PGM5: variants seen among roughly 807,000 people sequenced by gnomAD.
PGM5 encodes the protein phosphoglucomutase 5, also known as phosphoglucomutase-like protein 5.
PGM5 carries 23 observed loss-of-function variants against 59.2 expected under a neutral mutation model. The ratio of observed to expected loss-of-function variants is 0.39; its 90% confidence interval spans 0.28 to 0.55. The LOEUF (loss-of-function observed/expected upper bound fraction) is 0.55, where lower values mean the gene tolerates loss of function less well. Among genes scored for constraint, PGM5 ranks in the 20% least tolerant of loss-of-function variants. The probability of loss-of-function intolerance (pLI) is 0.66; values close to 1 mark genes in which losing one functional copy is unlikely to be tolerated. For synonymous variants in PGM5, 214 were observed against 286.0 expected (o/e 0.75, Z 2.54); for missense variants, 574 against 748.3 (o/e 0.77, Z 2.72).
chr9:68,472,213 A>T (rs1824030874), intron 7 of PGM5, among the ~76,000 whole-genome samples: 1 of 152,086 alleles, frequency 6.6e-6, no homozygotes, highest in South Asian at 2.1e-4. Context: ...GAAGTCGTTG[A>T]GGTTTAGGGA....
intron 6 of PGM5, among the ~76,000 whole-genome samples, chr9:68,434,902 T>C (rs571423753): frequency 3.3e-5 from 5 of 152,370 alleles, no homozygotes; most frequent in African/African-American, 1.2e-4. Context: ...CTGGTGTTAA[T>C]TTGATTTTTA....
chr9:68,361,080 A>G (rs1364159580), intron 1 of PGM5, among the ~76,000 whole-genome samples: 2 of 152,112 alleles, frequency 1.3e-5, no homozygotes, highest in African/African-American at 4.8e-5. Context: ...CACCATGCCC[A>G]GCTAATTTAT....
intron 7 of PGM5, chr9:68,466,045 GTCT>G: frequency 1.3e-6 from 1 of 775,762 alleles, no homozygotes; most frequent in African/African-American, 1.8e-5. Flanking sequence ...CCCATTCTTT[GTCT>G]CTTGTCCTTC....
At chr9:68,403,620 T>C (rs1822725166) in intron 6 of PGM5, among the ~76,000 whole-genome samples, 2 of 152,176 alleles carry the variant, frequency 1.3e-5, no homozygotes, top group Non-Finnish European at 2.9e-5. Flanking sequence ...TGATGAGATG[T>C]TAAGTAATTG....
At chr9:68,401,082 T>C (rs1207395209) in intron 6 of PGM5, among the ~76,000 whole-genome samples, 1 of 88,096 alleles carries the variant, frequency 1.1e-5, no homozygotes, top group Admixed American at 1.4e-4. Flanking sequence ...CTCAGGCCTG[T>C]AGTTGGTAAA....
At chr9:68,439,381 A>G (rs1389162770) in intron 6 of PGM5, among the ~76,000 whole-genome samples, 1 of 147,536 alleles carries the variant, frequency 6.8e-6, no homozygotes, top group Non-Finnish European at 1.5e-5. Context: ...ATAAATATAT[A>G]TATATCTTTA....
chr9:68,431,234 G>A (rs928480476), intron 6 of PGM5, among the ~76,000 whole-genome samples: 11 of 152,092 alleles, frequency 7.2e-5, no homozygotes, highest in Non-Finnish European at 1.0e-4. Flanking sequence ...CTCCACTGCC[G>A]CCTTCCCACT....
chr9:68,516,548 G>A (rs1373328312), intron 10 of PGM5, among the ~76,000 whole-genome samples: 1 of 152,218 alleles, frequency 6.6e-6, no homozygotes, highest in Admixed American at 6.5e-5. Context: ...CGGAGAAGCA[G>A]CATCACCACC....
rs1554681593 is a variant in PGM5 at position 68,411,412 on chromosome 9, CACATACATGTGTGTATATATAT to C, written c.1043+18943_1043+18964del. ...ATATATATACACACACATATATACACACATACATGTGTGTATATATATACACATATATGTAGTGTGTGTATTA... is the reference window on the plus strand; with the variant it reads ...ATATATATACACACACATATATACACACACATATATGTAGTGTGTGTATTA... On this transcript the variant is annotated intron_variant, in intron 6 of 10. Coordinates refer to ENST00000396396, the MANE Select transcript of PGM5 (RefSeq NM_021965.4). Among the ~76,000 whole-genome samples, 653 of 136,382 alleles carry C rather than the reference CACATACATGTGTGTATATATAT, an allele frequency of 4.8e-3. 4 individuals are homozygous for C. The highest frequency in any genetic ancestry group is 0.016 in the African/African-American group (611 of 38,144). 89.5% of individuals were successfully genotyped at this position (136,382 alleles called of 152,430 possible).
intron 10 of PGM5, among the ~76,000 whole-genome samples, chr9:68,505,978 C>A (rs1300785121): frequency 6.6e-6 from 1 of 152,108 alleles, no homozygotes; most frequent in Non-Finnish European, 1.5e-5. Flanking sequence ...TCTGCTGTGG[C>A]TGAAATAATA....
At chr9:68,476,936 A>G (rs1189327721) in intron 7 of PGM5, among the ~76,000 whole-genome samples, 1 of 152,218 alleles carries the variant, frequency 6.6e-6, no homozygotes, top group Non-Finnish European at 1.5e-5. Flanking sequence ...TGCAAAGCCC[A>G]TGTTTTAGAA....
At chr9:68,501,111 C>T (rs1824566794) in intron 10 of PGM5, among the ~76,000 whole-genome samples, 1 of 152,138 alleles carries the variant, frequency 6.6e-6, no homozygotes, top group Admixed American at 6.5e-5. Context: ...AAGAATTTGC[C>T]ACTTTGAAGG....
At chr9:68,379,435 A>G (rs1822009495) in intron 2 of PGM5, among the ~76,000 whole-genome samples, 1 of 152,208 alleles carries the variant, frequency 6.6e-6, no homozygotes, top group Admixed American at 6.5e-5. Flanking sequence ...TCCAAACAAG[A>G]AAGTGTATTC....
intron 10 of PGM5, among the ~76,000 whole-genome samples, chr9:68,501,200 T>C (rs1824568063): frequency 6.6e-6 from 1 of 152,196 alleles, no homozygotes; most frequent in Admixed American, 6.5e-5. Context: ...AGAGTTTTCC[T>C]AGACCTGGCT....
chr9:68,457,267 G>T (rs1389549947), intron 6 of PGM5, among the ~76,000 whole-genome samples: 6 of 151,874 alleles, frequency 4.0e-5, no homozygotes, highest in Admixed American at 3.9e-4. Context: ...AGAATATTCT[G>T]CCCATTCTTT....
chr9:68,375,564 T>C (rs1443585850), intron 1 of PGM5, among the ~76,000 whole-genome samples: 20 of 152,240 alleles, frequency 1.3e-4, no homozygotes, highest in Admixed American at 3.3e-4. Flanking sequence ...CATCATACTT[T>C]CATTATTCTC....
At chr9:68,379,128 T>C (rs1822000837) in intron 2 of PGM5, among the ~76,000 whole-genome samples, 1 of 152,194 alleles carries the variant, frequency 6.6e-6, no homozygotes, top group African/African-American at 2.4e-5. Flanking sequence ...ATAACATTAA[T>C]TCTCCAATAT....
intron 6 of PGM5, among the ~76,000 whole-genome samples, chr9:68,447,880 T>C (rs2132067820): frequency 6.6e-6 from 1 of 152,320 alleles, no homozygotes; most frequent in Non-Finnish European, 1.5e-5. Context: ...CTATTTAATC[T>C]CTTGGTAATT....
At chr9:68,444,833 A>T (rs79039230) in intron 6 of PGM5, among the ~76,000 whole-genome samples, 4,776 of 152,252 alleles carry the variant, frequency 0.031, 228 homozygotes, top group African/African-American at 0.11. Context: ...CAGATAAGCA[A>T]AGAAGGGGTA....
Sources: gnomAD v4.1 joint callset for allele counts (sites outside exome capture counted in the v4.1 genomes callset) on GRCh38, gnomAD v4.1.1 for gene constraint, MANE v1.5 for transcripts, NCBI Gene and HGNC (gene_info 2026-07-23, HGNC 2026-07-21) for gene names.